CREB3L2: variants seen among roughly 807,000 people sequenced by gnomAD.
CREB3L2 encodes the protein cAMP responsive element binding protein 3 like 2.
CREB3L2 carries 23 observed loss-of-function variants against 57.2 expected under a neutral mutation model. The ratio of observed to expected loss-of-function variants is 0.40; its 90% CI spans 0.29 to 0.57. The LOEUF is 0.57. Among genes scored for constraint, CREB3L2 ranks in the 20% least tolerant of loss-of-function variants. The pLI, the probability that CREB3L2 is intolerant of heterozygous loss-of-function variation, is 0.42. For synonymous variants in CREB3L2, 268 were observed against 265.1 expected (o/e 1.01, Z -0.11); for missense variants, 628 against 634.7 (o/e 0.99, Z 0.11).
At chr7:137,982,781 C>T (rs1801732447) in intron 1 of CREB3L2, among the ~76,000 whole-genome samples, 1 of 152,116 alleles carries the variant, frequency 6.6e-6, no homozygotes, top group Non-Finnish European at 1.5e-5. Flanking sequence ...TATGCTGAAG[C>T]CCTAACCTCC....
chr7:137,886,026 C>T (rs140584737), intron 8 of CREB3L2, among the ~76,000 whole-genome samples: 30 of 152,270 alleles, frequency 2.0e-4, no homozygotes, highest in African/African-American at 7.2e-4. Context: ...TGAGAGGACA[C>T]AGCAAGAAGC....
At chr7:137,949,810 C>G (rs1408590389) in intron 1 of CREB3L2, among the ~76,000 whole-genome samples, 1 of 152,146 alleles carries the variant, frequency 6.6e-6, no homozygotes, top group African/African-American at 2.4e-5. Context: ...AAAACCCAAT[C>G]CGCACTGGTT....
At chr7:137,965,473 A>G (rs1327667432) in intron 1 of CREB3L2, among the ~76,000 whole-genome samples, 1 of 152,196 alleles carries the variant, frequency 6.6e-6, no homozygotes, top group Non-Finnish European at 1.5e-5. Flanking sequence ...TGCAATCTAC[A>G]TCTGAAATAT....
At position 137,953,441 on chromosome 7, in the gene CREB3L2, T is replaced by A. The variant is rs1040920909; in HGVS notation, c.103-25075A>T. Reference sequence around the variant, plus strand: ...AGGAATAGATGGATAAATAACAGTATCTGAGACCTGCTGTTGGTGTATGTT... The same window carrying A: ...AGGAATAGATGGATAAATAACAGTAACTGAGACCTGCTGTTGGTGTATGTT... On this transcript the variant is annotated intron_variant, in intron 1 of 11. Transcript: ENST00000330387. 7.0e-6 allele frequency: 9 copies of A among 1,282,062 alleles called. No individual in the cohort carries two copies. In the African/African-American group the frequency reaches 1.4e-4, roughly 20 times the overall value. 79.4% of individuals were successfully genotyped at this position (1,282,062 alleles called of 1,614,324 possible).
intron 2 of CREB3L2, among the ~76,000 whole-genome samples, chr7:137,922,384 G>A (rs28484815): frequency 0.032 from 613 of 19,236 alleles, 13 homozygotes; most frequent in East Asian, 0.064. Flanking sequence ...ATATATATAT[G>A]TATATATATA....
At chr7:137,958,666 A>T (rs1052881020) in intron 1 of CREB3L2, among the ~76,000 whole-genome samples, 29 of 152,250 alleles carry the variant, frequency 1.9e-4, no homozygotes, top group African/African-American at 7.0e-4. Context: ...GTTTTAAGAA[A>T]TCCAGTGAGT....
intron 8 of CREB3L2, among the ~76,000 whole-genome samples, chr7:137,898,291 A>G (rs1329845073): frequency 6.6e-6 from 1 of 152,202 alleles, no homozygotes; most frequent in Non-Finnish European, 1.5e-5. Flanking sequence ...AGAAAAGGGA[A>G]CCCTTCCACA....
At chr7:137,886,523 G>A (rs770310619) in intron 8 of CREB3L2, among the ~76,000 whole-genome samples, 1 of 152,164 alleles carries the variant, frequency 6.6e-6, no homozygotes, top group Non-Finnish European at 1.5e-5. Flanking sequence ...TTAAGGCAGA[G>A]AGGCAAACAG....
intron 7 of CREB3L2, among the ~76,000 whole-genome samples, chr7:137,902,270 T>C (rs981086603): frequency 4.0e-5 from 6 of 148,476 alleles, no homozygotes; most frequent in Non-Finnish European, 8.9e-5. Context: ...CAGTACAAAA[T>C]ATGACCCTCT....
chr7:137,892,748 C>T (rs112663164), intron 8 of CREB3L2, among the ~76,000 whole-genome samples: 3 of 152,158 alleles, frequency 2.0e-5, no homozygotes, highest in African/African-American at 4.8e-5. Context: ...TCCCTTCCCA[C>T]CCCACCCGAG....
At position 137,879,940 on chromosome 7, in the gene CREB3L2, G is replaced by C. The variant is rs796593504; in HGVS notation, c.*536C>G. The C allele has an allele frequency of 2.1e-5, 5 of 237,122 alleles. No individual in the cohort carries two copies. The highest frequency in any genetic ancestry group is 3.3e-5 in the Non-Finnish European group (4 of 120,370). The allele number at this position is 237,122 out of a possible 1,614,324, so 14.7% of individuals were successfully genotyped here. ...GCCTGCCAGTGCTGCTGCAGGAGAC[G>C]AGACGATCCAGCGAGGGCTCCCAGG... On this transcript the variant is annotated 3_prime_UTR_variant, in exon 12 of 12. Coordinates refer to ENST00000330387, the MANE Select transcript of CREB3L2 (RefSeq NM_194071.4).
intron 1 of CREB3L2, among the ~76,000 whole-genome samples, chr7:137,987,798 C>G (rs1256233228): frequency 6.6e-6 from 1 of 152,192 alleles, no homozygotes; most frequent in Admixed American, 6.5e-5. Flanking sequence ...ATCCTCCCAC[C>G]CCGGCCTCCT....
chr7:137,901,889 A>AAAAAAAAAAAAAAAAAAG (rs1193862745), intron 7 of CREB3L2, among the ~76,000 whole-genome samples: 1 of 148,628 alleles, frequency 6.7e-6, no homozygotes. Flanking sequence ...AAAAAAAAAA[A>AAAAAAAAAAAAAAAAAAG]AAAGAAAAAT....
chr7:137,943,598 G>A lies in CREB3L2; in HGVS notation c.103-15232C>T, dbSNP rs549890637. On this transcript the variant is annotated intron_variant, in intron 1 of 11. Transcript: ENST00000330387. ...TTATGCAGAACCTCCATGAGAAATG[G>A]GGGAGGGAAATGGCACTAGACCATT... Among the ~76,000 whole-genome samples, 3 of 152,226 alleles carry A rather than the reference G, an allele frequency of 2.0e-5. No homozygotes were observed. The East Asian group carries it at 5.8e-4, about 29-fold the overall frequency.
rs559798692 is a variant in CREB3L2, at chr7:137,898,474, G to A, written c.1043+2880C>T. Among the ~76,000 whole-genome samples, 5 of 152,310 alleles carry A rather than the reference G, an allele frequency of 3.3e-5. No individual in the cohort carries two copies. The South Asian group carries it at 8.3e-4, about 25-fold the overall frequency. On this transcript the variant is annotated intron_variant, in intron 8 of 11. Coordinates refer to ENST00000330387, the MANE Select transcript of CREB3L2 (RefSeq NM_194071.4). ...TTGTGTACCCATGTTCATTAACGAT[G>A]AAGAGTCTTGCTTTAGAAAAATATT...
At chr7:137,903,890 A>C in intron 7 of CREB3L2, 69 bp downstream of exon 7, 11 of 1,324,484 alleles carry the variant, frequency 8.3e-6, no homozygotes, top group Non-Finnish European at 2.2e-6. Context: ...CTTCTCCCCG[A>C]TTCTCCGCAC....
chr7:137,961,525 C>T (rs1263339395), intron 1 of CREB3L2, among the ~76,000 whole-genome samples: 3 of 152,194 alleles, frequency 2.0e-5, no homozygotes, highest in African/African-American at 4.8e-5. Flanking sequence ...CCCACCTTTG[C>T]CATCACAGGA....
At chr7:137,916,152 G>A in intron 2 of CREB3L2, 140 bp from the exon 3 acceptor site, 1 of 610,422 alleles carries the variant, frequency 1.6e-6, no homozygotes, top group Non-Finnish European at 2.8e-6. Context: ...TGAAATATGT[G>A]AGGGAAAAGA....
intron 2 of CREB3L2, among the ~76,000 whole-genome samples, 183 bp downstream of exon 2, chr7:137,927,967 T>C (rs1800513332): frequency 6.6e-6 from 1 of 152,132 alleles, no homozygotes; most frequent in South Asian, 2.1e-4. Flanking sequence ...CTGGGCAGTG[T>C]AGAGAAATGG....
Sources: gnomAD v4.1 joint callset for allele counts (sites outside exome capture counted in the v4.1 genomes callset) on GRCh38, gnomAD v4.1.1 for gene constraint, MANE v1.5 for transcripts, NCBI Gene and HGNC (gene_info 2026-07-23, HGNC 2026-07-21) for gene names.